The following TSNAXIP1 variants were observed in gnomAD, a reference collection of about 807,000 sequenced individuals.
The protein encoded by TSNAXIP1 is translin associated factor X interacting protein 1, also known as translin-associated factor X-interacting protein 1.
A neutral mutation model predicts 84.8 loss-of-function variants in TSNAXIP1; 89 were observed. That is an observed-to-expected ratio of 1.05 (90% CI 0.88 to 1.25). TSNAXIP1 has a LOEUF of 1.25. TSNAXIP1 is among the 50% of genes most tolerant of loss of function. The pLI, the probability that TSNAXIP1 is intolerant of heterozygous loss-of-function variation, is 0.00. For missense variants in TSNAXIP1, 874 were observed against 887.6 expected, an observed-to-expected ratio of 0.98 and a Z score of 0.20; for synonymous variants, 347 against 335.2, an observed-to-expected ratio of 1.04 and a Z score of -0.39.
chr16:67,807,243 C>G, intron 1 of TSNAXIP1, 47 bp downstream of exon 1: 3 of 1,535,886 alleles, frequency 2.0e-6, no homozygotes, highest in Non-Finnish European at 2.6e-6. Flanking sequence ...TTGAGTACTT[C>G]TAGAGAGGGA....
intron 7 of TSNAXIP1, 89 bp downstream of exon 7, chr16:67,825,361 C>G: frequency 6.5e-7 from 1 of 1,538,530 alleles, no homozygotes; most frequent in Non-Finnish European, 8.8e-7. Flanking sequence ...ATTCAGCATT[C>G]CTAAGACCTG....
chr16:67,807,096 C>G lies in TSNAXIP1; in HGVS notation c.-54C>G. The G allele has an allele frequency of 2.0e-6, 3 of 1,528,706 alleles. No individual in the cohort carries two copies. Among genetic ancestry groups the G allele is most frequent in the South Asian group, 1.2e-5 (1 of 83,798 alleles). The allele number at this position is 1,528,706 out of a possible 1,614,324, so 94.7% of individuals were successfully genotyped here. A position where few individuals can be genotyped will look rare whatever the true frequency, so the allele number is the denominator to read the frequency against. ...CTGGTCGCCATGGCGACCGGCTGTACGCTACCACAGCTTCCCAGGCCGCGG... is the reference window on the plus strand; with the variant it reads ...CTGGTCGCCATGGCGACCGGCTGTAGGCTACCACAGCTTCCCAGGCCGCGG... On this transcript the variant is annotated 5_prime_UTR_variant, in exon 1 of 16. Transcript: ENST00000561639.
chr16:67,814,263 ACT>A (rs774514977), intron 1 of TSNAXIP1, 37 bp from the exon 2 acceptor site: 57 of 1,463,238 alleles, frequency 3.9e-5, no homozygotes, highest in Non-Finnish European at 5.1e-5. Context: ...CCCACTCTGG[ACT>A]CTGTCACCCA....
chr16:67,816,242 C>A (rs2056544332), intron 2 of TSNAXIP1, among the ~76,000 whole-genome samples: 1 of 152,160 alleles, frequency 6.6e-6, no homozygotes, highest in South Asian at 2.1e-4. Context: ...GCTGGGATTA[C>A]AGGCGTGAGC....
chr16:67,813,404 A>G, intron 1 of TSNAXIP1, among the ~76,000 whole-genome samples: 1 of 151,360 alleles, frequency 6.6e-6, no homozygotes, highest in East Asian at 2.0e-4. Context: ...ATAAATAAAT[A>G]AAATAAACTT....
chr16:67,810,785 G>C (rs919285407), intron 1 of TSNAXIP1, among the ~76,000 whole-genome samples: 4 of 150,228 alleles, frequency 2.7e-5, no homozygotes, highest in Non-Finnish European at 5.9e-5. Flanking sequence ...TATTGCCCAG[G>C]CTGGAGTGCA....
rs575498643 is a variant in TSNAXIP1, at chr16:67,816,912, C to T, written c.147+2511C>T. On this transcript the variant is annotated intron_variant, in intron 2 of 15. Coordinates refer to ENST00000561639, the MANE Select transcript of TSNAXIP1 (RefSeq NM_001288990.3). ...CAAAGGAGGGTAGCCACATTTTCTC[C>T]CGGTAGAAACAGTAGACAGAACACG... is the stretch of plus-strand genomic sequence containing the variant. Among the ~76,000 whole-genome samples the T allele has an allele frequency of 2.6e-5, 4 of 152,082 alleles. No homozygotes were observed. In the South Asian group the frequency reaches 8.3e-4, roughly 32 times the overall value.
intron 4 of TSNAXIP1, 98 bp downstream of exon 4, chr16:67,821,323 A>C (rs1353688562): frequency 6.8e-7 from 1 of 1,478,130 alleles, no homozygotes; most frequent in Non-Finnish European, 9.1e-7. Context: ...TAATCTCAGC[A>C]CTTTGGGAGG....
chr16:67,826,025 CAGG>C lies in TSNAXIP1; in HGVS notation c.1096_1098del (p.Glu366del). 1.1e-5 allele frequency: 18 copies of C among 1,613,954 alleles called. No homozygotes were observed. The highest frequency in any genetic ancestry group is 1.4e-5 in the Non-Finnish European group (17 of 1,180,028). ...ACGGGACCAATTCTTCTCTGAGCTG[CAGG>C]AGATCCAGCGCACTTCCACGCCGCG... On this transcript the variant is annotated inframe_deletion, in exon 9 of 16. Coordinates refer to ENST00000561639, the MANE Select transcript of TSNAXIP1 (RefSeq NM_001288990.3).
At position 67,827,371 on chromosome 16, in the gene TSNAXIP1, T is replaced by C. The variant is rs750008586; in HGVS notation, c.1787T>C (p.Met596Thr). The C allele has an allele frequency of 1.2e-6, 2 of 1,614,226 alleles. No individual in the cohort carries two copies. The highest frequency in any genetic ancestry group is 1.7e-5 in the Admixed American group (1 of 60,030). Residue 596 changes from methionine to threonine, a missense_variant, in exon 14 of 16, where the codon ATG becomes ACG. Transcript: ENST00000561639. Reference protein sequence around the residue: ...ADLLNYRSLFMEDEEGQSEPF... With the variant: ...ADLLNYRSLFTEDEEGQSEPF... ...TTGCTCAACTACCGCTCACTGTTTA[T>C]GGAGGTGGGTGTGTGGGGTCCGGGG...
chr16:67,819,815 AT>A lies in TSNAXIP1; in HGVS notation c.148-1002del, dbSNP rs1162375778. ...AGCACATGCCACCACACCTGGCTAA[AT>A]TTTTTTTTTTTTTTTTTTTTTGAGA... On this transcript the variant is annotated intron_variant, in intron 2 of 15. Transcript: ENST00000561639. Among the ~76,000 whole-genome samples the A allele has an allele frequency of 3.5e-3, 364 of 102,632 alleles. 2 individuals are homozygous for A. The highest frequency in any genetic ancestry group is 8.3e-3 in the East Asian group (35 of 4,228). 67.3% of individuals were successfully genotyped at this position (102,632 alleles called of 152,430 possible).
At chr16:67,812,828 C>A (rs138095851) in intron 1 of TSNAXIP1, among the ~76,000 whole-genome samples, 2 of 152,238 alleles carry the variant, frequency 1.3e-5, no homozygotes, top group Non-Finnish European at 2.9e-5. Context: ...TCAGGCTCAT[C>A]TCGAACTCCT....
chr16:67,811,324 T>C (rs903228912), intron 1 of TSNAXIP1, among the ~76,000 whole-genome samples: 3 of 152,214 alleles, frequency 2.0e-5, no homozygotes, highest in Non-Finnish European at 4.4e-5. Context: ...CTACTGAACT[T>C]TTCCATTCAA....
intron 2 of TSNAXIP1, 138 bp downstream of exon 2, chr16:67,814,539 TAGAG>T: frequency 1.3e-6 from 1 of 741,434 alleles, no homozygotes; most frequent in Non-Finnish European, 2.3e-6. Context: ...TCTTCTCAGT[TAGAG>T]AGTGTGGCTC....
In TSNAXIP1 at chr16:67,825,284, T is replaced by C. The variant is rs2057353355; in HGVS notation, c.814+12T>C. On this transcript the variant is annotated intron_variant, in intron 7 of 15. Coordinates refer to ENST00000561639, the MANE Select transcript of TSNAXIP1 (RefSeq NM_001288990.3). ...AGCCCAGTCGCCAGGTAAGCCTGAA[T>C]TGGGAATCGGGTTTCTCTCTTCTCT... 1 of 1,613,604 alleles carries C rather than the reference T, an allele frequency of 6.2e-7. No individual in the cohort carries two copies. The highest frequency in any genetic ancestry group is 8.5e-7 in the Non-Finnish European group (1 of 1,179,822).
rs750702748 is a variant in TSNAXIP1, at chr16:67,823,716, C to G, written c.478C>G (p.Leu160Val). 1 of 1,612,476 alleles carries G rather than the reference C, an allele frequency of 6.2e-7. No homozygotes were observed. The highest frequency in any genetic ancestry group is 8.5e-7 in the Non-Finnish European group (1 of 1,179,020). Residue 160 changes from leucine (L) to valine (V), a missense_variant, in exon 5 of 16, where the codon CTG (leucine) becomes GTG (valine). Transcript: ENST00000561639. Reference protein sequence around the residue: ...SSIKNAYEGMLAHQREKIRAL... With the variant: ...SSIKNAYEGMVAHQREKIRAL... ...CATCAAGAATGCGTATGAGGGGATG[C>G]TGGGTAAGAATGCACCTCCTGCCAG...
At chr16:67,820,741 CA>C (rs879145775) in intron 2 of TSNAXIP1, 97 bp from the exon 3 acceptor site, 24,389 of 704,392 alleles carry the variant, frequency 0.035, 1 homozygote, top group South Asian at 0.055. Flanking sequence ...AAGACTGTCT[CA>C]AAAAAAAAAA....
rs1464357766 is a variant in TSNAXIP1 at position 67,806,939 on chromosome 16, G to A, written c.-211G>A. On this transcript the variant is annotated 5_prime_UTR_variant, in exon 1 of 16. Transcript: ENST00000561639. The stretch of plus-strand genomic sequence containing the variant: ...TGGGGTCAAATCGGCTGTAGTGGTT[G>A]ACTCTCAGGGCACCCGCTGCCGGGT... The A allele has an allele frequency of 1.4e-6, 1 of 713,128 alleles. No homozygotes were observed. Among genetic ancestry groups the A allele is most frequent in the Admixed American group, 3.0e-5 (1 of 33,854 alleles). 44.2% of individuals were successfully genotyped at this position (713,128 alleles called of 1,614,324 possible).
chr16:67,826,535 C>T lies in TSNAXIP1; in HGVS notation c.1374C>T (p.Ala458=), dbSNP rs1011424509. 2 of 1,613,986 alleles carry T rather than the reference C, an allele frequency of 1.2e-6. No homozygotes were observed. Among genetic ancestry groups the T allele is most frequent in the Non-Finnish European group, 8.5e-7 (1 of 1,180,012 alleles). The change falls in exon 11 of 16, where the codon GCC becomes GCT. Residue 458 remains alanine, a synonymous_variant. Coordinates refer to ENST00000561639, the MANE Select transcript of TSNAXIP1 (RefSeq NM_001288990.3). ...ACGTGGTCAACCTCCTCAAGGATGC[C>T]TGGAAGGAACGTCTTGCTGAGGAGC... The part of the protein sequence containing the change: ...KKDVVNLLKD[A]WKERLAEEQK...
Sources: gnomAD v4.1 joint callset for allele counts (sites outside exome capture counted in the v4.1 genomes callset) on GRCh38, gnomAD v4.1.1 for gene constraint, MANE v1.5 for transcripts, NCBI Gene and HGNC (gene_info 2026-07-23, HGNC 2026-07-21) for gene names.